Variants in ADAMTSL3 observed in about 807,000 individuals in gnomAD.
The protein encoded by ADAMTSL3 is ADAMTS like 3, also known as ADAMTS-like protein 3.
Under a neutral mutation model 201.7 loss-of-function variants are expected in ADAMTSL3, and 128 were observed. The ratio of observed to expected loss-of-function variants is 0.63; its 90% confidence interval spans 0.55 to 0.73. ADAMTSL3 has a LOEUF of 0.73. ADAMTSL3 is among the 30% of genes least tolerant of loss of function. The probability of loss-of-function intolerance (pLI) is 0.00; values close to 1 mark genes in which losing one functional copy is unlikely to be tolerated. For synonymous variants in ADAMTSL3, 738 were observed against 748.4 expected (o/e 0.99, Z 0.23); for missense variants, 1,990 against 2,119.6 (o/e 0.94, Z 1.20).
intron 12 of ADAMTSL3, 144 bp from the exon 13 acceptor site, chr15:83,892,540 A>T (rs2065527453): frequency 1.3e-6 from 1 of 774,108 alleles, no homozygotes; most frequent in Non-Finnish European, 2.0e-6. Context: ...AACAAAAAAA[A>T]GTATAAAGTC....
rs368839961 is a variant in ADAMTSL3, at chr15:84,002,205, C to T, written c.3973+10991C>T. Among the ~76,000 whole-genome samples, 55 of 152,122 alleles carry T rather than the reference C, an allele frequency of 3.6e-4. No individual in the cohort carries two copies. The South Asian group carries it at 0.01, about 28-fold the overall frequency. Reference sequence around the variant, plus strand: ...GAATAAGTTAGCTGGATATGCAATACGAAAAAACAGGAGGGGCTCTTCAAA... The same window carrying T: ...GAATAAGTTAGCTGGATATGCAATATGAAAAAACAGGAGGGGCTCTTCAAA... On this transcript the variant is annotated intron_variant, in intron 23 of 29. Transcript: ENST00000286744.
intron 2 of ADAMTSL3, among the ~76,000 whole-genome samples, chr15:83,674,762 T>TATAC (rs1567064157): frequency 8.1e-6 from 1 of 123,390 alleles, no homozygotes; most frequent in Non-Finnish European, 1.6e-5. Flanking sequence ...TACACACATA[T>TATAC]ATACATATAT....
At chr15:83,668,376 A>C (rs556892083) in intron 2 of ADAMTSL3, among the ~76,000 whole-genome samples, 2 of 152,020 alleles carry the variant, frequency 1.3e-5, no homozygotes, top group South Asian at 4.2e-4. Context: ...TCTGTGGTCA[A>C]TCTGATATTT....
intron 3 of ADAMTSL3, among the ~76,000 whole-genome samples, chr15:83,731,755 T>C (rs778475564): frequency 6.6e-6 from 1 of 151,976 alleles, no homozygotes; most frequent in Non-Finnish European, 1.5e-5. Flanking sequence ...TTATTGAGCC[T>C]TAAAAAAGAA....
intron 7 of ADAMTSL3, among the ~76,000 whole-genome samples, chr15:83,850,614 A>G (rs1475020196): frequency 6.6e-6 from 1 of 152,018 alleles, no homozygotes; most frequent in Non-Finnish European, 1.5e-5. Flanking sequence ...AACTGTTTAC[A>G]TTTGCTGTCT....
chr15:84,013,124 A>G (rs527443477), intron 23 of ADAMTSL3, among the ~76,000 whole-genome samples: 2 of 152,316 alleles, frequency 1.3e-5, no homozygotes, highest in East Asian at 3.9e-4. Context: ...GCATTTCTAG[A>G]TAACAGTTTC....
In ADAMTSL3 at chr15:83,913,178, C is replaced by T; in HGVS notation, c.1787C>T (p.Thr596Ile). ...GAGGTGAAGTGCCGTGTGCTCCTCA[C>T]ATTCACGCAGACTGAGACTGAGCTG... ...VREVKCRVLL[T>I]FTQTETELPE... is the part of the protein sequence containing the mutation. The change falls in exon 16 of 30, where the codon ACA (threonine) becomes ATA (isoleucine). Residue 596 changes from threonine (T) to isoleucine (I), a missense_variant. By Grantham distance (89) the Thr-to-Ile change is moderately conservative (BLOSUM62 -1). Transcript: ENST00000286744. 10 of 1,614,202 alleles carry T rather than the reference C, an allele frequency of 6.2e-6. No individual in the cohort carries two copies. Among genetic ancestry groups the T allele is most frequent in the Non-Finnish European group, 8.5e-6 (10 of 1,180,036 alleles).
chr15:83,831,704 C>T (rs541468771), intron 6 of ADAMTSL3, among the ~76,000 whole-genome samples: 25 of 152,188 alleles, frequency 1.6e-4, no homozygotes, highest in African/African-American at 5.5e-4. Flanking sequence ...ATGGCAGATT[C>T]TTCCGTAGAA....
At chr15:83,831,008 A>T (rs2064144219) in intron 6 of ADAMTSL3, among the ~76,000 whole-genome samples, 1 of 152,348 alleles carries the variant, frequency 6.6e-6, no homozygotes, top group East Asian at 1.9e-4. Flanking sequence ...ATATACAACT[A>T]ATGAAGTAAA....
chr15:83,989,157 C>T (rs2067539672), intron 22 of ADAMTSL3, among the ~76,000 whole-genome samples: 1 of 152,224 alleles, frequency 6.6e-6, no homozygotes, highest in Non-Finnish European at 1.5e-5. Context: ...GCTGGGATTA[C>T]AGGCGTGAGC....
intron 2 of ADAMTSL3, among the ~76,000 whole-genome samples, chr15:83,662,580 AAAG>A (rs1482607815): frequency 7.2e-6 from 1 of 139,192 alleles, no homozygotes; most frequent in Non-Finnish European, 1.5e-5. Context: ...TAAAAAAAAA[AAAG>A]AAAAAAAAGA....
intron 17 of ADAMTSL3, among the ~76,000 whole-genome samples, chr15:83,927,838 C>T (rs926849697): frequency 2.0e-5 from 3 of 152,088 alleles, no homozygotes; most frequent in African/African-American, 7.2e-5. Flanking sequence ...GAGCTGGTCT[C>T]CTGATTTCCA....
At chr15:83,804,769 C>A in intron 5 of ADAMTSL3, 74 bp downstream of exon 5, 1 of 1,195,074 alleles carries the variant, frequency 8.4e-7, no homozygotes, top group Non-Finnish European at 1.2e-6. Flanking sequence ...CCAATGTGTA[C>A]TCTAAAACTG....
Position 83,982,960 on chromosome 15 carries a change from A to C in ADAMTSL3, c.3332A>C (p.Glu1111Ala). The C allele has an allele frequency of 6.2e-7, 1 of 1,614,138 alleles. No individual in the cohort carries two copies. The highest frequency in any genetic ancestry group is 1.1e-5 in the South Asian group (1 of 91,084). ...ATGAGTCAGCTCATGGAAACCGGAG[A>C]GGTCAGCGATGATCTTGCGTCCCAG... is the stretch of plus-strand genomic sequence containing the variant. ...RNMSQLMETG[E>A]VSDDLASQLI... The change falls in exon 21 of 30, where the codon GAG (glutamate) becomes GCG (alanine). Residue 1111 changes from glutamate to alanine, a missense_variant. Glu to Ala is a moderately radical substitution (Grantham distance 107, BLOSUM62 -1). Transcript: ENST00000286744.
intron 4 of ADAMTSL3, among the ~76,000 whole-genome samples, chr15:83,778,160 A>G (rs1301619530): frequency 6.6e-6 from 1 of 152,158 alleles, no homozygotes; most frequent in East Asian, 1.9e-4. Flanking sequence ...GTCCCTGAAA[A>G]AGAGGGGGAT....
Position 84,017,325 on chromosome 15 carries a change from G to C in ADAMTSL3, c.4273+826G>C, listed in dbSNP as rs143582552. 5.4e-4 allele frequency among the ~76,000 whole-genome samples: 82 copies of C among 152,258 alleles called. No homozygotes were observed. In the East Asian group the frequency reaches 0.011, roughly 20 times the overall value. The stretch of plus-strand genomic sequence containing the variant: ...GTGGAGACGAGGTTTCACCGTGTTA[G>C]CCAGGATGATCTCGATCTCCTGACC... On this transcript the variant is annotated intron_variant, in intron 25 of 29. Coordinates refer to ENST00000286744, the MANE Select transcript of ADAMTSL3 (RefSeq NM_207517.3).
At chr15:83,751,796 G>A (rs1292101272) in intron 3 of ADAMTSL3, among the ~76,000 whole-genome samples, 1 of 152,160 alleles carries the variant, frequency 6.6e-6, no homozygotes, top group African/African-American at 2.4e-5. Flanking sequence ...AACCCCAGGT[G>A]TGAAAAAATT....
At chr15:83,705,314 G>A (rs2061834785) in intron 3 of ADAMTSL3, among the ~76,000 whole-genome samples, 1 of 152,082 alleles carries the variant, frequency 6.6e-6, no homozygotes, top group South Asian at 2.1e-4. Flanking sequence ...GTGAGGAGCT[G>A]GGGCAAGATC....
rs1183620591 is a variant in ADAMTSL3, at chr15:83,654,898, C to T, written c.-34+622C>T. Among the ~76,000 whole-genome samples, 1 of 152,192 alleles carries T rather than the reference C, an allele frequency of 6.6e-6. No homozygotes were observed. Among genetic ancestry groups the T allele is most frequent in the South Asian group, 2.1e-4 (1 of 4,828 alleles). The stretch of plus-strand genomic sequence containing the variant: ...AGCACATTTGCGGATCACATTAGAC[C>T]AGGCCCTTAATGCCTTCTCCAGATG... On this transcript the variant is annotated intron_variant, in intron 1 of 29. Transcript: ENST00000286744. This position sits in a 1 kb window ranked among gnomAD's most constrained non-coding sequence, Gnocchi z 5.3.
Sources: allele counts gnomAD v4.1 joint callset (sites outside exome capture counted in the v4.1 genomes callset), GRCh38; gene constraint gnomAD v4.1.1; non-coding constraint Gnocchi (gnomAD v3.1); transcripts MANE v1.5; gene names NCBI Gene and HGNC (gene_info 2026-07-23, HGNC 2026-07-21).